Variants in CPNE3 observed in about 807,000 individuals in gnomAD.
CPNE3 encodes the protein copine 3.
Under a neutral mutation model 63.9 loss-of-function variants are expected in CPNE3, and 68 were observed. The ratio of observed to expected loss-of-function variants is 1.06; its 90% CI spans 0.87 to 1.30. The LOEUF (loss-of-function observed/expected upper bound fraction) is 1.30. Among genes scored for constraint, CPNE3 ranks in the 50% most tolerant of loss-of-function variants. The pLI is 0.00. For missense variants in CPNE3, 665 were observed against 578.1 expected, an observed-to-expected ratio of 1.15 and a Z score of -1.54; for synonymous variants, 219 against 197.5, an observed-to-expected ratio of 1.11 and a Z score of -0.91.
intron 3 of CPNE3, 113 bp from the exon 4 acceptor site, chr8:86,528,832 T>C (rs1820600647): frequency 7.7e-7 from 1 of 1,303,832 alleles, no homozygotes; most frequent in Middle Eastern, 2.6e-4. Context: ...CATACACATA[T>C]AGAAACTTCC....
At chr8:86,529,545 C>T (rs1254993010) in intron 4 of CPNE3, among the ~76,000 whole-genome samples, 1 of 152,192 alleles carries the variant, frequency 6.6e-6, no homozygotes, top group Non-Finnish European at 1.5e-5. Flanking sequence ...CTTGCTCTTA[C>T]TCAACCTTAT....
rs1193278467 is a variant in CPNE3 at position 86,559,420 on chromosome 8, C to G, written c.*1010C>G. On this transcript the variant is annotated 3_prime_UTR_variant, in exon 17 of 17. Coordinates refer to ENST00000517490, the MANE Select transcript of CPNE3 (RefSeq NM_003909.5). ...ATTGATTTGTACAGATCCACTTAGT[C>G]ATTTTCTCCTTTTTTTAAGAACCAT... The G allele has an allele frequency of 1.3e-5, 2 of 152,088 alleles. No homozygotes were observed. Among genetic ancestry groups the G allele is most frequent in the African/African-American group, 2.4e-5 (1 of 41,416 alleles). The allele number at this position is 152,088 out of a possible 1,614,324, so 9.4% of individuals were successfully genotyped here. A position where few individuals can be genotyped will look rare whatever the true frequency, so the allele number is the denominator to read the frequency against.
chr8:86,530,089 A>G (rs9297922), intron 4 of CPNE3, among the ~76,000 whole-genome samples: 111,234 of 151,480 alleles, frequency 0.73, 41,774 homozygotes, highest in African/African-American at 0.83. Context: ...AAAGAACCTA[A>G]GTATACTATA....
intron 5 of CPNE3, among the ~76,000 whole-genome samples, chr8:86,531,588 A>G (rs1820685530): frequency 6.6e-6 from 1 of 152,124 alleles, no homozygotes. Flanking sequence ...TCCTCTCAAC[A>G]TGACAGAAAT....
chr8:86,524,149 A>G (rs755930463), intron 2 of CPNE3, among the ~76,000 whole-genome samples: 1 of 152,166 alleles, frequency 6.6e-6, no homozygotes. Context: ...CTGTATCTCC[A>G]TGTTTGGGAG....
At chr8:86,525,090 G>A (rs1203358465) in intron 2 of CPNE3, 1 of 152,160 alleles carries the variant, frequency 6.6e-6, no homozygotes, top group Non-Finnish European at 1.5e-5. Context: ...CCTGACCTGG[G>A]ATAATCCACC....
In CPNE3 at chr8:86,548,421, C is replaced by A. The variant is rs546301872; in HGVS notation, c.1000C>A (p.Gln334Lys). The A allele has an allele frequency of 2.5e-6, 4 of 1,614,058 alleles. No homozygotes were observed. In the South Asian group the frequency reaches 4.4e-5, roughly 18 times the overall value. The change falls in exon 12 of 17, where the codon CAA becomes AAA. Residue 334 changes from glutamine (Q) to lysine (K), a missense_variant. Coordinates refer to ENST00000517490, the MANE Select transcript of CPNE3 (RefSeq NM_003909.5). Reference protein sequence around the residue: ...TALWSVGLVIQDYDADKMFPA... With the variant: ...TALWSVGLVIKDYDADKMFPA... The stretch of plus-strand genomic sequence containing the variant: ...TCTCTGGTCTGTGGGACTGGTCATT[C>A]AAGATTATGATGCGTGAGTATGACT...
chr8:86,549,131 C>G (rs149810517), intron 12 of CPNE3, among the ~76,000 whole-genome samples: 239 of 152,136 alleles, frequency 1.6e-3, no homozygotes, highest in African/African-American at 5.5e-3. Context: ...TAAAATTTCA[C>G]TTGCTTTTGT....
chr8:86,532,652 T>A, intron 6 of CPNE3, 72 bp downstream of exon 6: 1 of 1,320,278 alleles, frequency 7.6e-7, no homozygotes. Flanking sequence ...AAAATGCAGT[T>A]AATATCATGA....
At chr8:86,516,416 T>C (rs1820312450) in intron 2 of CPNE3, among the ~76,000 whole-genome samples, 2 of 152,226 alleles carry the variant, frequency 1.3e-5, no homozygotes, top group Admixed American at 1.3e-4. Context: ...TATGGCAACC[T>C]ATTATACATT....
At chr8:86,554,700 T>C in intron 14 of CPNE3, 151 bp from the exon 15 acceptor site, 2 of 847,330 alleles carry the variant, frequency 2.4e-6, no homozygotes, top group Non-Finnish European at 3.5e-6. Context: ...AGTTATGTAA[T>C]ACATAGCTTA....
In CPNE3 at chr8:86,535,942, C is replaced by T. The variant is rs367879892; in HGVS notation, c.460-1621C>T. ...GAAATAATTCCTTTGTGTGGTTATG[C>T]TGTCACAGACCTACTTTCATTTTGC... On this transcript the variant is annotated intron_variant, in intron 6 of 16. Transcript: ENST00000517490. Among the ~76,000 whole-genome samples the T allele has an allele frequency of 5.9e-5, 9 of 152,082 alleles. 1 individual carries two copies. The highest frequency in any genetic ancestry group is 5.8e-4 in the East Asian group (3 of 5,178).
At chr8:86,533,024 T>TTATCTATCTATC (rs56759618) in intron 6 of CPNE3, among the ~76,000 whole-genome samples, 2,405 of 145,594 alleles carry the variant, frequency 0.017, 17 homozygotes, top group Middle Eastern at 0.031. Context: ...TTTATCTATC[T>TTATCTATCTATC]TATCTATCTA....
chr8:86,556,918 A>G (rs920143600), intron 16 of CPNE3, among the ~76,000 whole-genome samples: 1 of 152,192 alleles, frequency 6.6e-6, no homozygotes, highest in Non-Finnish European at 1.5e-5. Flanking sequence ...ATCGTACAAT[A>G]TACAACCTTT....
intron 2 of CPNE3, among the ~76,000 whole-genome samples, chr8:86,526,981 G>A (rs1563687035): frequency 6.6e-6 from 1 of 152,112 alleles, no homozygotes; most frequent in Non-Finnish European, 1.5e-5. Flanking sequence ...TAAATAAGAT[G>A]TTAGTTGTTT....
At chr8:86,526,170 G>A (rs1820536567) in intron 2 of CPNE3, among the ~76,000 whole-genome samples, 1 of 152,008 alleles carries the variant, frequency 6.6e-6, no homozygotes, top group South Asian at 2.1e-4. Flanking sequence ...GGAGGCTACA[G>A]TGAGCTGAGA....
At chr8:86,523,880 G>T (rs1024817084) in intron 2 of CPNE3, among the ~76,000 whole-genome samples, 24 of 152,208 alleles carry the variant, frequency 1.6e-4, no homozygotes, top group African/African-American at 5.1e-4. Context: ...GAGCCACCGT[G>T]CCCGGCCTGA....
At chr8:86,522,346 GTAAT>G (rs1368847532) in intron 2 of CPNE3, among the ~76,000 whole-genome samples, 1 of 152,098 alleles carries the variant, frequency 6.6e-6, no homozygotes, top group African/African-American at 2.4e-5. Context: ...TATTCAGTAA[GTAAT>G]TGTTTTATGA....
intron 2 of CPNE3, among the ~76,000 whole-genome samples, chr8:86,522,104 A>G (rs1820446049): frequency 6.6e-6 from 1 of 152,318 alleles, no homozygotes; most frequent in Non-Finnish European, 1.5e-5. Flanking sequence ...GGTAGTCAGT[A>G]GCAATAATAC....
Sources: allele counts gnomAD v4.1 joint callset (sites outside exome capture counted in the v4.1 genomes callset), GRCh38; gene constraint gnomAD v4.1.1; transcripts MANE v1.5; gene names NCBI Gene and HGNC (gene_info 2026-07-23, HGNC 2026-07-21).